DISC1: variants seen among roughly 807,000 people sequenced by gnomAD.
DISC1 encodes the protein disrupted in schizophrenia 1 protein.
In DISC1, 57 loss-of-function variants were observed where a neutral mutation model predicts 84.5. The ratio of observed to expected loss-of-function variants is 0.67; its 90% CI spans 0.55 to 0.84. DISC1 has a LOEUF of 0.84. Among genes scored for constraint, DISC1 ranks in the 40% least tolerant of loss-of-function variants. The pLI is 0.00. For synonymous variants in DISC1, 411 were observed against 415.2 expected (o/e 0.99, Z 0.12); for missense variants, 1,000 against 1,057.8 (o/e 0.95, Z 0.76).
At chr1:231,841,026 T>A (rs1301141069) in intron 9 of DISC1, among the ~76,000 whole-genome samples, 1 of 152,214 alleles carries the variant, frequency 6.6e-6, no homozygotes, top group Non-Finnish European at 1.5e-5. Context: ...GGTCGAACAT[T>A]CCTAATCTGA....
At chr1:231,703,580 G>A (rs968824170) in intron 3 of DISC1, among the ~76,000 whole-genome samples, 9 of 152,126 alleles carry the variant, frequency 5.9e-5, no homozygotes, top group Admixed American at 2.6e-4. Flanking sequence ...GGCCAATCAG[G>A]CCCTAGTTTG....
chr1:231,699,714 A>G lies in DISC1; in HGVS notation c.1048-2241A>G, dbSNP rs534581633. ...CAGCCAGAGTGAAACTGTTTAAAAC[A>G]TAAGTCAGATCATGTGCTCCTCTGC... On this transcript the variant is annotated intron_variant, in intron 2 of 12. Transcript: ENST00000439617. 6.6e-5 allele frequency among the ~76,000 whole-genome samples: 10 copies of G among 152,302 alleles called. No individual in the cohort carries two copies. The South Asian group carries it at 1.0e-3, about 16-fold the overall frequency.
chr1:231,922,731 C>T (rs954974495), intron 9 of DISC1, among the ~76,000 whole-genome samples: 7 of 151,880 alleles, frequency 4.6e-5, no homozygotes, highest in African/African-American at 1.4e-4. Flanking sequence ...GTGAGTGCAC[C>T]CTCCCTCTGG....
At chr1:231,928,376 A>G (rs2090466860) in intron 9 of DISC1, among the ~76,000 whole-genome samples, 1 of 152,260 alleles carries the variant, frequency 6.6e-6, no homozygotes, top group Non-Finnish European at 1.5e-5. Flanking sequence ...TATTTTCTGC[A>G]TAGGCATCCT....
At position 231,694,581 on chromosome 1, in the gene DISC1, G is replaced by T. The variant is rs750932225; in HGVS notation, c.823G>T (p.Ala275Ser). 4 of 1,614,126 alleles carry T rather than the reference G, an allele frequency of 2.5e-6. No homozygotes were observed. The highest frequency in any genetic ancestry group is 3.4e-6 in the Non-Finnish European group (4 of 1,180,060). Residue 275 changes from alanine to serine, a missense_variant, in exon 2 of 13, where the codon GCA becomes TCA. Coordinates refer to ENST00000439617, the MANE Select transcript of DISC1 (RefSeq NM_018662.3). ...CAGTCTCTTGGCTACACGGGTCTCT[G>T]CAGACTTGGCCCAGGCCGCAAGGAA... ...PFSLLATRVSADLAQAARNSS... is the reference protein window; with the variant it reads ...PFSLLATRVSSDLAQAARNSS...
intron 9 of DISC1, among the ~76,000 whole-genome samples, chr1:231,892,889 T>C (rs1417138435): frequency 6.6e-6 from 1 of 152,098 alleles, no homozygotes; most frequent in African/African-American, 2.4e-5. Flanking sequence ...AGGCCAGGTA[T>C]AGTGGCTCAT....
At chr1:231,938,258 G>T (rs1466536917) in intron 9 of DISC1, among the ~76,000 whole-genome samples, 1 of 152,180 alleles carries the variant, frequency 6.6e-6, no homozygotes, top group Non-Finnish European at 1.5e-5. Context: ...TTATCCAGAT[G>T]GGCCCAATCT....
intron 4 of DISC1, among the ~76,000 whole-genome samples, chr1:231,765,908 C>T (rs2076137077): frequency 6.6e-6 from 1 of 152,050 alleles, no homozygotes; most frequent in Non-Finnish European, 1.5e-5. Context: ...TGGAATTTGG[C>T]CCTGTTTGGA....
chr1:231,900,994 C>G (rs1043892688), intron 9 of DISC1, among the ~76,000 whole-genome samples: 1 of 152,144 alleles, frequency 6.6e-6, no homozygotes, highest in African/African-American at 2.4e-5. Flanking sequence ...CATACAGAAC[C>G]TCAATGGCAA....
At chr1:231,836,590 C>G (rs7537810) in intron 9 of DISC1, among the ~76,000 whole-genome samples, 90,113 of 152,048 alleles carry the variant, frequency 0.59, 27,060 homozygotes, top group Middle Eastern at 0.66. Context: ...CTACCTGTTG[C>G]AGCTGTTGGG....
At chr1:231,969,576 A>T (rs1387030461) in intron 10 of DISC1, among the ~76,000 whole-genome samples, 1 of 142,124 alleles carries the variant, frequency 7.0e-6, no homozygotes, top group Non-Finnish European at 1.5e-5. Context: ...ATACTCCAAT[A>T]TACTTGTTTC....
intron 6 of DISC1, among the ~76,000 whole-genome samples, chr1:231,775,933 G>A (rs967544930): frequency 6.6e-6 from 1 of 152,176 alleles, no homozygotes. Flanking sequence ...GGGTGGGGGA[G>A]GGAGGAGAGG....
At chr1:231,955,002 TG>T (rs1285507957) in intron 9 of DISC1, among the ~76,000 whole-genome samples, 1 of 152,202 alleles carries the variant, frequency 6.6e-6, no homozygotes, top group African/African-American at 2.4e-5. Context: ...TGTCACCAAC[TG>T]GTGCTTCAGA....
chr1:231,751,034 G>T lies in DISC1; in HGVS notation c.1268+958G>T, dbSNP rs548512397. ...CTTTCAGTTTTGCCAGTAGCATGTA[G>T]CAGAGTGAATGGCACCTGGTAGGTG... On this transcript the variant is annotated intron_variant, in intron 4 of 12. Coordinates refer to ENST00000439617, the MANE Select transcript of DISC1 (RefSeq NM_018662.3). Among the ~76,000 whole-genome samples, 10 of 152,344 alleles carry T rather than the reference G, an allele frequency of 6.6e-5. No homozygotes were observed. The East Asian group carries it at 1.2e-3, about 18-fold the overall frequency.
At chr1:231,924,847 G>A (rs992536686) in intron 9 of DISC1, among the ~76,000 whole-genome samples, 3 of 151,880 alleles carry the variant, frequency 2.0e-5, no homozygotes, top group Non-Finnish European at 2.9e-5. Flanking sequence ...TAGTAGAGAC[G>A]GGGTTTCACC....
intron 9 of DISC1, among the ~76,000 whole-genome samples, chr1:231,869,313 T>G (rs1392290166): frequency 1.3e-5 from 2 of 152,006 alleles, no homozygotes; most frequent in Non-Finnish European, 2.9e-5. Context: ...TTGTCTTGAG[T>G]GTGAAGTGCA....
chr1:231,844,697 G>T (rs2083318878), intron 9 of DISC1, among the ~76,000 whole-genome samples: 1 of 152,030 alleles, frequency 6.6e-6, no homozygotes, highest in East Asian at 1.9e-4. Flanking sequence ...GAGGCCGACG[G>T]GGGTGGATCA....
intron 10 of DISC1, among the ~76,000 whole-genome samples, chr1:232,008,388 G>A (rs556266796): frequency 6.6e-6 from 1 of 152,300 alleles, no homozygotes; most frequent in South Asian, 2.1e-4. Context: ...ATGAAGGCCT[G>A]GTTATATGTG....
chr1:231,924,608 A>C (rs1189016512), intron 9 of DISC1, among the ~76,000 whole-genome samples: 1 of 152,088 alleles, frequency 6.6e-6, no homozygotes, highest in Admixed American at 6.5e-5. Flanking sequence ...GGCTATTCTG[A>C]AGAGTGAAGT....
Sources: allele counts gnomAD v4.1 joint callset (sites outside exome capture counted in the v4.1 genomes callset), GRCh38; gene constraint gnomAD v4.1.1; transcripts MANE v1.5; gene names NCBI Gene and HGNC (gene_info 2026-07-23, HGNC 2026-07-21).